Variants in LOC128125817 observed in about 807,000 individuals in gnomAD.
At chr1:41,617,177 T>C in the LOC128125817 span, among the ~76,000 whole-genome samples, 2 of 152,236 alleles carry the variant, frequency 1.3e-5, no homozygotes, top group Non-Finnish European at 2.9e-5. Flanking sequence ...TAAGTTTGTA[T>C]ATTTTTTGTA....
At chr1:41,625,952 A>G in the LOC128125817 span, among the ~76,000 whole-genome samples, 1 of 152,254 alleles carries the variant, frequency 6.6e-6, no homozygotes, top group Non-Finnish European at 1.5e-5. Context: ...AGCTTCTAAG[A>G]CTATAAAAGT....
chr1:41,623,324 T>C, the LOC128125817 span, among the ~76,000 whole-genome samples: 1 of 152,124 alleles, frequency 6.6e-6, no homozygotes, highest in Non-Finnish European at 1.5e-5. Flanking sequence ...CTCTCCAAGA[T>C]AAAAAGGTGT....
the LOC128125817 span, among the ~76,000 whole-genome samples, chr1:41,627,141 A>T: frequency 6.6e-6 from 1 of 152,224 alleles, no homozygotes; most frequent in Non-Finnish European, 1.5e-5. Context: ...CAGGGCTGCA[A>T]CTGGGAGAGC....
chr1:41,591,605 G>A, the LOC128125817 span, among the ~76,000 whole-genome samples: 105 of 151,978 alleles, frequency 6.9e-4, no homozygotes, highest in African/African-American at 2.4e-3. Flanking sequence ...CCATCTTCCT[G>A]ACTCCATGGA....
chr1:41,620,798 A>C, the LOC128125817 span, among the ~76,000 whole-genome samples: 1 of 151,272 alleles, frequency 6.6e-6, no homozygotes, highest in African/African-American at 2.4e-5. Context: ...CTCACCCTCC[A>C]CTCCTACCCT....
the LOC128125817 span, among the ~76,000 whole-genome samples, chr1:41,598,501 C>T: frequency 1.2e-3 from 187 of 152,274 alleles, 1 homozygote; most frequent in African/African-American, 3.9e-3. Flanking sequence ...GAAGAGGTGG[C>T]GACTGCCTGT....
chr1:41,627,808 T>C, the LOC128125817 span, among the ~76,000 whole-genome samples: 2 of 152,066 alleles, frequency 1.3e-5, no homozygotes, highest in Non-Finnish European at 2.9e-5. Flanking sequence ...CAATGTAGAT[T>C]CCTGGGTCCC....
the LOC128125817 span, among the ~76,000 whole-genome samples, chr1:41,619,037 C>T: frequency 1.3e-5 from 2 of 152,080 alleles, no homozygotes; most frequent in African/African-American, 4.8e-5. Context: ...GCAGCCTCCA[C>T]AGCCTCCTTC....
At chr1:41,618,740 C>G in the LOC128125817 span, among the ~76,000 whole-genome samples, 4,247 of 152,312 alleles carry the variant, frequency 0.028, 78 homozygotes, top group Middle Eastern at 0.054. Context: ...ATCTATCCAC[C>G]TGGCCCATTT....
chr1:41,606,718 C>T, the LOC128125817 span, among the ~76,000 whole-genome samples: 1 of 151,844 alleles, frequency 6.6e-6, no homozygotes, highest in Non-Finnish European at 1.5e-5. Flanking sequence ...CTGAATCTTA[C>T]ACATTTAAAA....
chr1:41,596,362 C>T, the LOC128125817 span, among the ~76,000 whole-genome samples: 2 of 152,182 alleles, frequency 1.3e-5, no homozygotes, highest in Non-Finnish European at 2.9e-5. Flanking sequence ...TCATGGAAAA[C>T]AGGCACAACC....
At chr1:41,622,765 G>A in the LOC128125817 span, among the ~76,000 whole-genome samples, 4,506 of 152,292 alleles carry the variant, frequency 0.03, 223 homozygotes, top group African/African-American at 0.1. Flanking sequence ...GGGATGTGCT[G>A]GAGCAGGCAA....
At chr1:41,597,951 G>A in the LOC128125817 span, among the ~76,000 whole-genome samples, 1 of 152,176 alleles carries the variant, frequency 6.6e-6, no homozygotes, top group Non-Finnish European at 1.5e-5. Flanking sequence ...AATGTACATA[G>A]CTAGCTATCC....
At chr1:41,592,597 G>GCC in the LOC128125817 span, among the ~76,000 whole-genome samples, 1 of 152,190 alleles carries the variant, frequency 6.6e-6, no homozygotes, top group African/African-American at 2.4e-5. Flanking sequence ...GGGACTGACT[G>GCC]AGAGGTGGAC....
chr1:41,613,125 G>T, the LOC128125817 span, among the ~76,000 whole-genome samples: 20 of 152,358 alleles, frequency 1.3e-4, no homozygotes, highest in Admixed American at 1.2e-3. Context: ...CTCACTGCCT[G>T]CAGGGACACT....
chr1:41,592,753 G>T, the LOC128125817 span, among the ~76,000 whole-genome samples: 1 of 152,242 alleles, frequency 6.6e-6, no homozygotes, highest in East Asian at 1.9e-4. Flanking sequence ...CTTTTCTGCA[G>T]ATGCTTGGCT....
chr1:41,616,759 TG>T, the LOC128125817 span, among the ~76,000 whole-genome samples: 2 of 152,054 alleles, frequency 1.3e-5, no homozygotes, highest in South Asian at 2.1e-4. Context: ...GCTCAATTTT[TG>T]TTTTTCTAAA....
chr1:41,585,451 A>T, the LOC128125817 span: 1 of 397,426 alleles, frequency 2.5e-6, no homozygotes, highest in Non-Finnish European at 4.4e-6. Flanking sequence ...AAAGTTAACC[A>T]GGGAAACTCA....
chr1:41,596,999 G>A, the LOC128125817 span, among the ~76,000 whole-genome samples: 1 of 152,124 alleles, frequency 6.6e-6, no homozygotes, highest in African/African-American at 2.4e-5. Flanking sequence ...ATAATGAATG[G>A]TGGATTTTTC....
Sources: allele counts gnomAD v4.1 joint callset (sites outside exome capture counted in the v4.1 genomes callset), GRCh38; gene constraint gnomAD v4.1.1; transcripts MANE v1.5.